Variants in GLS2 observed in about 807,000 individuals in gnomAD.
The protein encoded by GLS2 is glutaminase 2, also known as glutaminase liver isoform, mitochondrial.
GLS2 carries 52 observed loss-of-function variants against 79.0 expected under a neutral mutation model. The ratio of observed to expected loss-of-function variants is 0.66; its 90% CI spans 0.53 to 0.83. GLS2 has a LOEUF of 0.83. Ranked by LOEUF, GLS2 falls within the 40% of genes least tolerant of loss-of-function variation. The pLI is 0.00. For missense variants in GLS2, 561 were observed against 764.8 expected (o/e 0.73, Z 3.14); for synonymous variants, 238 against 280.8 (o/e 0.85, Z 1.52).
intron 8 of GLS2, 93 bp from the exon 9 acceptor site, chr12:56,475,775 G>A (rs1869751993): frequency 3.5e-6 from 5 of 1,449,054 alleles, no homozygotes; most frequent in Admixed American, 1.8e-5. Context: ...CTCAGGTCTT[G>A]TCAAGAGGCT....
Position 56,471,374 on chromosome 12 carries a change from T to C in GLS2, c.*113A>G. 1 of 1,160,238 alleles carries C rather than the reference T, an allele frequency of 8.6e-7. No homozygotes were observed. Among genetic ancestry groups the C allele is most frequent in the Non-Finnish European group, 1.2e-6 (1 of 839,710 alleles). 71.9% of individuals were successfully genotyped at this position (1,160,238 alleles called of 1,614,324 possible). On this transcript the variant is annotated 3_prime_UTR_variant, in exon 18 of 18. Transcript: ENST00000311966. ...GCACTAGCCTAAGTCACCAAATGAC[T>C]GCTTGGTCCCCACTGAAGCAGTGTA... is the stretch of plus-strand genomic sequence containing the variant.
At chr12:56,478,149 C>T (rs758188221) in intron 5 of GLS2, 34 bp downstream of exon 5, 15 of 1,613,962 alleles carry the variant, frequency 9.3e-6, no homozygotes, top group Non-Finnish European at 1.3e-5. Flanking sequence ...GGCACCTGTG[C>T]CCTGCCTCCC....
chr12:56,485,320 A>G (rs1344496688), intron 1 of GLS2, among the ~76,000 whole-genome samples: 1 of 152,178 alleles, frequency 6.6e-6, no homozygotes, highest in African/African-American at 2.4e-5. Flanking sequence ...GTGGTGATGC[A>G]ATCATGGATC....
At chr12:56,485,119 G>T (rs1266622973) in intron 1 of GLS2, among the ~76,000 whole-genome samples, 1 of 151,916 alleles carries the variant, frequency 6.6e-6, no homozygotes, top group African/African-American at 2.4e-5. Flanking sequence ...AAATGAAAAA[G>T]ATAAGTTCAA....
intron 12 of GLS2, 35 bp from the exon 13 acceptor site, chr12:56,473,629 G>T: frequency 6.3e-7 from 1 of 1,582,596 alleles, no homozygotes; most frequent in East Asian, 2.3e-5. Flanking sequence ...GATAAAGTGG[G>T]TGTGCCCCAA....
At chr12:56,472,911 G>A (rs1463525061) in intron 14 of GLS2, 160 bp from the exon 15 acceptor site, 9 of 607,890 alleles carry the variant, frequency 1.5e-5, no homozygotes, top group Middle Eastern at 3.7e-4. Context: ...TTTTTGAGAC[G>A]GAGTCTCGCT....
At chr12:56,485,253 A>T (rs1870590233) in intron 1 of GLS2, among the ~76,000 whole-genome samples, 2 of 152,090 alleles carry the variant, frequency 1.3e-5, no homozygotes, top group Non-Finnish European at 2.9e-5. Flanking sequence ...TTTTTAAGTA[A>T]TAAACTTATT....
In GLS2 at chr12:56,474,614, G is replaced by A; in HGVS notation, c.1154C>T (p.Ala385Val). The A allele has an allele frequency of 2.5e-6, 4 of 1,614,204 alleles. No homozygotes were observed. Among genetic ancestry groups the A allele is most frequent in the Non-Finnish European group, 3.4e-6 (4 of 1,180,044 alleles). Reference sequence around the variant, plus strand: ...CATGAGGCTGAGGGTGTTGCGCACTGCTTCAGCACTCAGCACACTCTCGCC... The same window carrying A: ...CATGAGGCTGAGGGTGTTGCGCACTACTTCAGCACTCAGCACACTCTCGCC... ...ITGESVLSAE[A>V]VRNTLSLMHS... The change falls in exon 12 of 18, where the codon GCA (alanine) becomes GTA (valine). Residue 385 changes from alanine (A) to valine (V), a missense_variant. This residue lies in a region of GLS2 where 221 missense variants were observed against 275.6 expected (regional missense o/e 0.80). Coordinates refer to ENST00000311966, the MANE Select transcript of GLS2 (RefSeq NM_013267.4).
intron 1 of GLS2, among the ~76,000 whole-genome samples, chr12:56,481,895 A>G (rs1448303471): frequency 6.6e-6 from 1 of 150,780 alleles, no homozygotes; most frequent in African/African-American, 2.5e-5. Flanking sequence ...CCATCTCAAA[A>G]CAAACAAACA....
intron 1 of GLS2, among the ~76,000 whole-genome samples, chr12:56,485,177 G>T (rs999593293): frequency 2.6e-5 from 4 of 151,916 alleles, no homozygotes; most frequent in African/African-American, 9.7e-5. Context: ...TACATATATA[G>T]GATATATATG....
At chr12:56,484,076 C>A (rs745317248) in intron 1 of GLS2, among the ~76,000 whole-genome samples, 2 of 152,062 alleles carry the variant, frequency 1.3e-5, no homozygotes, top group Non-Finnish European at 2.9e-5. Context: ...TCGAGACCAG[C>A]CTGACCAACA....
At chr12:56,482,812 A>T (rs1021324772) in intron 1 of GLS2, among the ~76,000 whole-genome samples, 2 of 152,166 alleles carry the variant, frequency 1.3e-5, no homozygotes, top group African/African-American at 4.8e-5. Context: ...GCCTAGGCCG[A>T]TCTCAAACTC....
chr12:56,477,908 C>T (rs557241373), intron 6 of GLS2, 25 bp downstream of exon 6: 17 of 1,602,804 alleles, frequency 1.1e-5, no homozygotes, highest in East Asian at 4.5e-5. Flanking sequence ...GCTGTAAGTA[C>T]GGTCTGAGCC....
chr12:56,484,622 T>C (rs1171727958), intron 1 of GLS2, among the ~76,000 whole-genome samples: 4 of 152,034 alleles, frequency 2.6e-5, no homozygotes, highest in East Asian at 1.9e-4. Context: ...GGAAAGTACA[T>C]AGGAACACTC....
Position 56,478,200 on chromosome 12 carries a change from GCACAGGGAGA to G in GLS2, c.587_596del (p.Val196AlafsTer23). 6.2e-7 allele frequency: 1 copy of G among 1,614,226 alleles called. No homozygotes were observed. The highest frequency in any genetic ancestry group is 8.5e-7 in the Non-Finnish European group (1 of 1,180,034). On this transcript the variant is annotated frameshift_variant, in exon 5 of 18. Coordinates refer to ENST00000311966, the MANE Select transcript of GLS2 (RefSeq NM_013267.4). LOFTEE classifies it high-confidence loss of function. ...CATCTCACCGTTGACCATCCACAGT[GCACAGGGAGA>G]CACCCCACAGGTCTGGGTTTGACTT... is the stretch of plus-strand genomic sequence containing the variant.
chr12:56,485,242 A>T (rs554634772), intron 1 of GLS2, among the ~76,000 whole-genome samples: 154 of 152,220 alleles, frequency 1.0e-3, no homozygotes, highest in African/African-American at 3.4e-3. Context: ...TCTTTTTAAA[A>T]TTTTTAAGTA....
In GLS2 at chr12:56,475,997, T is replaced by A; in HGVS notation, c.838-20A>T. 3.7e-6 allele frequency: 6 copies of A among 1,611,466 alleles called. No homozygotes were observed. Among genetic ancestry groups the A allele is most frequent in the Non-Finnish European group, 5.1e-6 (6 of 1,179,514 alleles). On this transcript the variant is annotated intron_variant, in intron 7 of 17. Coordinates refer to ENST00000311966, the MANE Select transcript of GLS2 (RefSeq NM_013267.4). The stretch of plus-strand genomic sequence containing the variant: ...GTCCATCTGCAGAGAAAGAGAGAGA[T>A]GTCAGCATTCTAAGTGTAGGAGGAT...
At chr12:56,483,648 A>G (rs1368866866) in intron 1 of GLS2, among the ~76,000 whole-genome samples, 2 of 151,640 alleles carry the variant, frequency 1.3e-5, no homozygotes, top group Non-Finnish European at 1.5e-5. Flanking sequence ...GTTTAGCTGT[A>G]TTGCTCAAGC....
intron 1 of GLS2, among the ~76,000 whole-genome samples, chr12:56,480,806 G>T (rs889966782): frequency 6.6e-6 from 1 of 152,152 alleles, no homozygotes; most frequent in Non-Finnish European, 1.5e-5. Flanking sequence ...TGCTTAGTTG[G>T]TCACCAACAT....
Sources: allele counts gnomAD v4.1 joint callset (sites outside exome capture counted in the v4.1 genomes callset), GRCh38; gene constraint gnomAD v4.1.1; regional missense constraint gnomAD v4.1.1; transcripts MANE v1.5; gene names NCBI Gene and HGNC (gene_info 2026-07-23, HGNC 2026-07-21).